Variants in ERBB4 observed in about 807,000 individuals in gnomAD.
ERBB4 encodes the protein erb-b2 receptor tyrosine kinase 4.
Under a neutral mutation model 158.0 loss-of-function variants are expected in ERBB4, and 42 were observed. The ratio of observed to expected loss-of-function variants is 0.27; its 90% CI spans 0.21 to 0.34. The LOEUF is 0.34. ERBB4 is among the 10% of genes least tolerant of loss of function. ERBB4 has a pLI of 1.00. For synonymous variants in ERBB4, 583 were observed against 558.7 expected, an observed-to-expected ratio of 1.04 and a Z score of -0.61; for missense variants, 1,333 against 1,624.1, an observed-to-expected ratio of 0.82 and a Z score of 3.08.
intron 9 of ERBB4, among the ~76,000 whole-genome samples, chr2:211,708,537 G>C (rs2073540717): frequency 6.6e-6 from 1 of 151,824 alleles, no homozygotes; most frequent in South Asian, 2.1e-4. Flanking sequence ...TAGGCACTGT[G>C]ATTTTTCCTT....
intron 4 of ERBB4, among the ~76,000 whole-genome samples, chr2:211,785,576 G>T (rs1021422214): frequency 6.6e-6 from 1 of 151,970 alleles, no homozygotes; most frequent in South Asian, 2.1e-4. Flanking sequence ...TCTGTAATTC[G>T]CTTTTGAGTT....
intron 1 of ERBB4, among the ~76,000 whole-genome samples, chr2:212,464,424 G>GT (rs1688725945): frequency 6.6e-6 from 1 of 151,812 alleles, no homozygotes. Flanking sequence ...CATTATTTTT[G>GT]TTTTATACAT....
intron 2 of ERBB4, among the ~76,000 whole-genome samples, chr2:212,118,859 A>G (rs2079653089): frequency 6.6e-6 from 1 of 152,020 alleles, no homozygotes; most frequent in Admixed American, 6.6e-5. Context: ...TTTGTTATTC[A>G]TTATCTGAGA....
At chr2:211,407,181 G>C (rs190105601) in intron 25 of ERBB4, among the ~76,000 whole-genome samples, 1 of 152,174 alleles carries the variant, frequency 6.6e-6, no homozygotes, top group East Asian at 1.9e-4. Context: ...CAAAAGATAA[G>C]TGATAACAGG....
intron 1 of ERBB4, among the ~76,000 whole-genome samples, chr2:212,406,461 C>T (rs2091347678): frequency 6.6e-6 from 1 of 152,234 alleles, no homozygotes; most frequent in South Asian, 2.1e-4. Flanking sequence ...GCACACATGG[C>T]TGAAAGCCAT....
At chr2:211,655,571 A>G (rs1256124786) in intron 16 of ERBB4, among the ~76,000 whole-genome samples, 3 of 152,202 alleles carry the variant, frequency 2.0e-5, no homozygotes, top group African/African-American at 7.2e-5. Flanking sequence ...ACACTTAACC[A>G]CTGTACTATA....
intron 19 of ERBB4, among the ~76,000 whole-genome samples, chr2:211,618,108 T>C (rs1226550174): frequency 1.3e-5 from 2 of 151,878 alleles, no homozygotes; most frequent in African/African-American, 4.8e-5. Flanking sequence ...ACCCATAGAG[T>C]CTTTTCTTCT....
At chr2:211,399,471 G>GAT (rs1168426581) in intron 25 of ERBB4, among the ~76,000 whole-genome samples, 3 of 152,132 alleles carry the variant, frequency 2.0e-5, no homozygotes, top group African/African-American at 7.2e-5. Flanking sequence ...TAGCATCCCT[G>GAT]ATATTATATA....
At chr2:211,856,060 A>G (rs1160964680) in intron 3 of ERBB4, among the ~76,000 whole-genome samples, 2 of 152,204 alleles carry the variant, frequency 1.3e-5, no homozygotes, top group Admixed American at 1.3e-4. Flanking sequence ...AGAATTAACC[A>G]CTACACAGTG....
At chr2:212,414,210 A>G (rs999680874) in intron 1 of ERBB4, among the ~76,000 whole-genome samples, 13 of 152,210 alleles carry the variant, frequency 8.5e-5, no homozygotes, top group African/African-American at 2.7e-4. Flanking sequence ...TACATGCCTT[A>G]CCACTAAATA....
At chr2:211,638,096 TAA>T (rs2070428702) in intron 16 of ERBB4, among the ~76,000 whole-genome samples, 1 of 152,162 alleles carries the variant, frequency 6.6e-6, no homozygotes, top group Non-Finnish European at 1.5e-5. Context: ...GTAAAGTTTA[TAA>T]GTGACATTCT....
At chr2:212,185,034 C>CTTTTTTTTCTTTT (rs762121501) in intron 1 of ERBB4, among the ~76,000 whole-genome samples, 1 of 132,572 alleles carries the variant, frequency 7.5e-6, no homozygotes, top group African/African-American at 2.8e-5. Flanking sequence ...TTTTTTTTTT[C>CTTTTTTTTCTTTT]TTTTGAGACA....
chr2:211,541,009 A>G (rs2066793806), intron 20 of ERBB4, among the ~76,000 whole-genome samples: 1 of 151,902 alleles, frequency 6.6e-6, no homozygotes, highest in South Asian at 2.1e-4. Context: ...TATATATCCT[A>G]TTAGTTTCTA....
At chr2:211,642,272 A>G (rs1390117722) in intron 16 of ERBB4, among the ~76,000 whole-genome samples, 1 of 152,088 alleles carries the variant, frequency 6.6e-6, no homozygotes, top group Non-Finnish European at 1.5e-5. Context: ...TGCCAAATCA[A>G]AAAGTAATTT....
chr2:211,641,289 C>A (rs544557236), intron 16 of ERBB4, among the ~76,000 whole-genome samples: 1 of 152,144 alleles, frequency 6.6e-6, no homozygotes, highest in East Asian at 1.9e-4. Context: ...TTTTGTTTTG[C>A]TGATAGACTA....
intron 1 of ERBB4, among the ~76,000 whole-genome samples, chr2:212,208,580 G>C (rs2082836605): frequency 6.6e-6 from 1 of 152,102 alleles, no homozygotes; most frequent in Admixed American, 6.6e-5. Flanking sequence ...CACTAGTCTT[G>C]AAATGCAACA....
At chr2:212,305,178 T>C (rs781678690) in intron 1 of ERBB4, among the ~76,000 whole-genome samples, 6 of 151,428 alleles carry the variant, frequency 4.0e-5, no homozygotes, top group Admixed American at 6.6e-5. Context: ...TCTTGATTTT[T>C]GTACATTTAG....
intron 3 of ERBB4, among the ~76,000 whole-genome samples, chr2:211,939,120 C>A (rs569387771): frequency 6.6e-6 from 1 of 152,220 alleles, no homozygotes; most frequent in Non-Finnish European, 1.5e-5. Context: ...AAAACAAATT[C>A]TTTCTAAAAT....
intron 1 of ERBB4, among the ~76,000 whole-genome samples, chr2:212,457,030 C>T (rs900078198): frequency 6.6e-6 from 1 of 151,924 alleles, no homozygotes; most frequent in African/African-American, 2.4e-5. Context: ...ACTTTTTTCA[C>T]AGAAATGTGT....
Sources: allele counts gnomAD v4.1 joint callset (sites outside exome capture counted in the v4.1 genomes callset), GRCh38; gene constraint gnomAD v4.1.1; transcripts MANE v1.5; gene names NCBI Gene and HGNC (gene_info 2026-07-23, HGNC 2026-07-21).